CTIF: variants seen among roughly 807,000 people sequenced by gnomAD.
CTIF encodes the protein CBP80/20-dependent translation initiation factor.
A neutral mutation model predicts 66.0 loss-of-function variants in CTIF; 21 were observed. The observed-to-expected ratio is 0.32, with a 90% CI of 0.23 to 0.46. The LOEUF (loss-of-function observed/expected upper bound fraction) is 0.46. Among genes scored for constraint, CTIF ranks in the 20% least tolerant of loss-of-function variants. CTIF has a pLI of 1.00. For synonymous variants in CTIF, 345 were observed against 326.4 expected (o/e 1.06, Z -0.62); for missense variants, 739 against 812.7 (o/e 0.91, Z 1.10).
chr18:48,765,110 G>C (rs752962587), intron 9 of CTIF, among the ~76,000 whole-genome samples: 3 of 152,220 alleles, frequency 2.0e-5, no homozygotes, highest in African/African-American at 4.8e-5. Context: ...AAAAGAAAGC[G>C]ATGGGCTGGG....
intron 7 of CTIF, among the ~76,000 whole-genome samples, chr18:48,741,731 G>A (rs1478690342): frequency 1.3e-5 from 2 of 152,102 alleles, no homozygotes; most frequent in African/African-American, 2.4e-5. Flanking sequence ...GGCCGACCAA[G>A]GCCATCTTTA....
At position 48,862,675 on chromosome 18, in the gene CTIF, C is replaced by T. The variant is rs966200690; in HGVS notation, c.*3116C>T. On this transcript the variant is annotated 3_prime_UTR_variant, in exon 12 of 12. Coordinates refer to ENST00000256413, the MANE Select transcript of CTIF (RefSeq NM_014772.3). Reference sequence around the variant, plus strand: ...TATTCTGATTGATTTTTATTTTATTCTATTATTTTCTCCGAGGGATGAGGG... The same window carrying T: ...TATTCTGATTGATTTTTATTTTATTTTATTATTTTCTCCGAGGGATGAGGG... The T allele has an allele frequency of 3.3e-5, 5 of 150,908 alleles. No individual in the cohort carries two copies. Among genetic ancestry groups the T allele is most frequent in the African/African-American group, 1.0e-4 (4 of 39,848 alleles). 9.3% of individuals were successfully genotyped at this position (150,908 alleles called of 1,614,324 possible).
At chr18:48,675,389 C>T (rs769668564) in intron 6 of CTIF, among the ~76,000 whole-genome samples, 3 of 152,190 alleles carry the variant, frequency 2.0e-5, no homozygotes, top group East Asian at 3.9e-4. Context: ...TCGCCAGGAT[C>T]GGTGGCTGTA....
chr18:48,859,638 G>C lies in CTIF; in HGVS notation c.*79G>C. On this transcript the variant is annotated 3_prime_UTR_variant, in exon 12 of 12. Coordinates refer to ENST00000256413, the MANE Select transcript of CTIF (RefSeq NM_014772.3). Reference sequence around the variant, plus strand: ...GGCCAGATGGACAGGCGGGAGGACAGGGGTGGCCCTGGCGGGAGAAAGAAA... The same window carrying C: ...GGCCAGATGGACAGGCGGGAGGACACGGGTGGCCCTGGCGGGAGAAAGAAA... 1 of 1,394,454 alleles carries C rather than the reference G, an allele frequency of 7.2e-7. No individual in the cohort carries two copies. The highest frequency in any genetic ancestry group is 2.3e-5 in the East Asian group (1 of 43,512). 86.4% of individuals were successfully genotyped at this position (1,394,454 alleles called of 1,614,324 possible). A position where few individuals can be genotyped will look rare whatever the true frequency, so the allele number is the denominator to read the frequency against.
chr18:48,682,301 C>T lies in CTIF; in HGVS notation c.507+11557C>T, dbSNP rs566763636. On this transcript the variant is annotated intron_variant, in intron 6 of 11. Transcript: ENST00000256413. ...CCTGAAACACACATGATCCCGGGAG[C>T]CAAAAGCGTATCTTATTCACCTCTG... Among the ~76,000 whole-genome samples, 3 of 152,268 alleles carry T rather than the reference C, an allele frequency of 2.0e-5. No individual in the cohort carries two copies. In the East Asian group the frequency reaches 5.8e-4, roughly 29 times the overall value.
At chr18:48,682,362 G>A (rs1043810455) in intron 6 of CTIF, among the ~76,000 whole-genome samples, 9 of 152,162 alleles carry the variant, frequency 5.9e-5, no homozygotes, top group African/African-American at 2.2e-4. Flanking sequence ...TGTGGCCCCT[G>A]ATCAGCAGCA....
In CTIF at chr18:48,679,017, G is replaced by A. The variant is rs1321128209; in HGVS notation, c.507+8273G>A. Reference sequence around the variant, plus strand: ...AGCCACTTGCTGTGTGGACCCTATCGCCGGCAAAGCCTAAAATATTGACTC... The same window carrying A: ...AGCCACTTGCTGTGTGGACCCTATCACCGGCAAAGCCTAAAATATTGACTC... On this transcript the variant is annotated intron_variant, in intron 6 of 11. Coordinates refer to ENST00000256413, the MANE Select transcript of CTIF (RefSeq NM_014772.3). Among the ~76,000 whole-genome samples the A allele has an allele frequency of 3.9e-5, 6 of 152,214 alleles. No individual in the cohort carries two copies. In the East Asian group the frequency reaches 1.2e-3, roughly 29 times the overall value.
At chr18:48,680,654 G>C (rs1006642425) in intron 6 of CTIF, among the ~76,000 whole-genome samples, 8 of 152,230 alleles carry the variant, frequency 5.3e-5, no homozygotes, top group Non-Finnish European at 1.0e-4. Context: ...CCAGGGTCTG[G>C]TTTAATCCTC....
intron 2 of CTIF, 23 bp downstream of exon 2, chr18:48,619,768 G>A (rs1349099318): frequency 1.3e-6 from 2 of 1,506,842 alleles, no homozygotes; most frequent in African/African-American, 1.4e-5. Context: ...CCGGGGTTGG[G>A]GCAGCTTGGG....
intron 10 of CTIF, among the ~76,000 whole-genome samples, chr18:48,831,287 C>A (rs924901541): frequency 6.6e-6 from 1 of 152,250 alleles, no homozygotes; most frequent in Admixed American, 6.5e-5. Context: ...GGTTAAGTGG[C>A]CTTTTCTCAA....
intron 10 of CTIF, among the ~76,000 whole-genome samples, chr18:48,843,540 G>A (rs1263940333): frequency 6.6e-6 from 1 of 151,976 alleles, no homozygotes. Context: ...ATGGCCCTGA[G>A]GCCCCATTTA....
intron 5 of CTIF, 115 bp downstream of exon 5, chr18:48,664,666 G>A (rs888198684): frequency 2.1e-5 from 17 of 826,784 alleles, no homozygotes; most frequent in African/African-American, 5.1e-5. Context: ...CTGATGCCCC[G>A]GGATGCTCTT....
At chr18:48,799,507 G>A (rs2068004276) in intron 9 of CTIF, among the ~76,000 whole-genome samples, 1 of 152,074 alleles carries the variant, frequency 6.6e-6, no homozygotes, top group South Asian at 2.1e-4. Context: ...ACACTGGCAT[G>A]GGACGTATTT....
intron 6 of CTIF, among the ~76,000 whole-genome samples, chr18:48,672,877 T>C (rs2091558720): frequency 6.6e-6 from 1 of 152,174 alleles, no homozygotes. Flanking sequence ...GCCCAGCCTC[T>C]GTCCTGGGCT....
At chr18:48,723,797 C>A (rs1470117512) in intron 7 of CTIF, among the ~76,000 whole-genome samples, 2 of 152,228 alleles carry the variant, frequency 1.3e-5, no homozygotes, top group Non-Finnish European at 2.9e-5. Context: ...ATTTCTGAGT[C>A]TTCCCAGTAA....
intron 1 of CTIF, among the ~76,000 whole-genome samples, chr18:48,544,337 A>G (rs542201463): frequency 1.3e-5 from 2 of 152,384 alleles, no homozygotes; most frequent in East Asian, 3.9e-4. Flanking sequence ...TTTGCAGAGC[A>G]GGAAGCTGAG....
At chr18:48,804,072 A>C (rs535163599) in intron 9 of CTIF, among the ~76,000 whole-genome samples, 66 of 152,262 alleles carry the variant, frequency 4.3e-4, no homozygotes, top group African/African-American at 1.5e-3. Flanking sequence ...GGCATCCAAG[A>C]ATCCTCAGTG....
chr18:48,590,287 A>G (rs1599198538), intron 1 of CTIF, among the ~76,000 whole-genome samples: 1 of 152,046 alleles, frequency 6.6e-6, no homozygotes, highest in South Asian at 2.1e-4. Flanking sequence ...CCGGAGCCAG[A>G]GCTAGGACAG....
intron 9 of CTIF, among the ~76,000 whole-genome samples, chr18:48,814,781 G>A (rs2068327485): frequency 6.6e-6 from 1 of 152,222 alleles, no homozygotes; most frequent in Admixed American, 6.5e-5. Flanking sequence ...CTAGGGAGAA[G>A]AGACAAAGCT....
Sources: gnomAD v4.1 joint callset for allele counts (sites outside exome capture counted in the v4.1 genomes callset) on GRCh38, gnomAD v4.1.1 for gene constraint, MANE v1.5 for transcripts, NCBI Gene and HGNC (gene_info 2026-07-23, HGNC 2026-07-21) for gene names.